Variants in SRGAP3 observed in about 807,000 individuals in gnomAD.
SRGAP3 encodes SLIT-ROBO Rho GTPase-activating protein 3.
Under a neutral mutation model 121.1 loss-of-function variants are expected in SRGAP3, and 39 were observed. That is an observed-to-expected ratio of 0.32 (90% confidence interval 0.25 to 0.42). The LOEUF (loss-of-function observed/expected upper bound fraction) is 0.42, where lower values mean the gene tolerates loss of function less well. Among genes scored for constraint, SRGAP3 ranks in the 10% least tolerant of loss-of-function variants. SRGAP3 has a pLI of 1.00. For synonymous variants in SRGAP3, 601 were observed against 570.0 expected (o/e 1.05, Z -0.77); for missense variants, 1,213 against 1,470.6 (o/e 0.82, Z 2.86).
intron 14 of SRGAP3, among the ~76,000 whole-genome samples, chr3:9,018,738 A>G (rs1943764828): frequency 6.6e-6 from 1 of 152,358 alleles, no homozygotes; most frequent in South Asian, 2.1e-4. Context: ...TATTTTAGGT[A>G]GTAATTTTTT....
chr3:9,059,836 C>G (rs992802411), intron 6 of SRGAP3: 1 of 310,346 alleles, frequency 3.2e-6, no homozygotes, highest in African/African-American at 2.2e-5. Context: ...GCCCTAGGGG[C>G]GCCAAACATT....
At chr3:9,014,202 G>T (rs1943520195) in intron 15 of SRGAP3, 2 of 356,840 alleles carry the variant, frequency 5.6e-6, no homozygotes, top group Non-Finnish European at 1.1e-5. Context: ...GAGCCGGACG[G>T]GGCATATATC....
Position 9,118,550 on chromosome 3 carries a change from C to T in SRGAP3, c.260+6175G>A, listed in dbSNP as rs114062586. 3.3e-3 allele frequency among the ~76,000 whole-genome samples: 507 copies of T among 152,234 alleles called. 2 individuals are homozygous for T. The highest frequency in any genetic ancestry group is 0.011 in the African/African-American group (457 of 41,534). On this transcript the variant is annotated intron_variant, in intron 2 of 21. Coordinates refer to ENST00000383836, the MANE Select transcript of SRGAP3 (RefSeq NM_014850.4). The stretch of plus-strand genomic sequence containing the variant: ...AGAGGGCAGTGGATTATGGATTTGA[C>T]GCTGGTGAAGAGGAGGGAAGGCCAG...
chr3:9,276,815 C>T (rs1005252726), intron 3 of SRGAP3, among the ~76,000 whole-genome samples: 13 of 152,240 alleles, frequency 8.5e-5, no homozygotes, highest in African/African-American at 2.9e-4. Context: ...ACTAGTTCCA[C>T]TGCTTCAATT....
At chr3:9,063,586 G>A (rs1411520538) in intron 5 of SRGAP3, among the ~76,000 whole-genome samples, 4 of 151,260 alleles carry the variant, frequency 2.6e-5, no homozygotes, top group African/African-American at 4.9e-5. Context: ...CGATCCTCCC[G>A]CCTTGGCCTC....
intron 1 of SRGAP3, among the ~76,000 whole-genome samples, chr3:9,146,417 C>T (rs751393561): frequency 3.9e-5 from 6 of 152,102 alleles, no homozygotes; most frequent in Admixed American, 1.3e-4. Flanking sequence ...TAGCCCCAAG[C>T]GAAACCAGAG....
intron 1 of SRGAP3, among the ~76,000 whole-genome samples, chr3:9,208,232 A>G (rs1305162650): frequency 2.0e-5 from 3 of 151,624 alleles, no homozygotes; most frequent in African/African-American, 7.3e-5. Context: ...TAGGCCTTCC[A>G]TATCTCCAGT....
At chr3:9,155,547 C>A (rs2675181) in intron 1 of SRGAP3, among the ~76,000 whole-genome samples, 4 of 151,848 alleles carry the variant, frequency 2.6e-5, no homozygotes, top group Non-Finnish European at 4.4e-5. Context: ...TTTCCATCTA[C>A]TTCCTGTGTC....
In SRGAP3 at chr3:9,013,830, G is replaced by A; in HGVS notation, c.1826C>T (p.Pro609Leu). 4 of 1,614,178 alleles carry A rather than the reference G, an allele frequency of 2.5e-6. No homozygotes were observed. Among genetic ancestry groups the A allele is most frequent in the Non-Finnish European group, 3.4e-6 (4 of 1,180,018 alleles). Residue 609 changes from proline to leucine, a missense_variant, in exon 16 of 22, where the codon CCA becomes CTA. Around this residue, in one of 2 missense-constraint regions of SRGAP3, gnomAD observed 793 missense variants for 1,032.9 expected, o/e 0.77. Coordinates refer to ENST00000383836, the MANE Select transcript of SRGAP3 (RefSeq NM_014850.4). Reference protein sequence around the residue: ...DLISTIKLENPAERVHQIQQI... With the variant: ...DLISTIKLENLAERVHQIQQI... ...TTGGATCTGGTGCACCCTCTCGGCT[G>A]GGTTCTCCAGTTCTGTAACATAAAG... is the stretch of plus-strand genomic sequence containing the variant.
intron 3 of SRGAP3, among the ~76,000 whole-genome samples, chr3:9,298,858 C>G (rs1301387015): frequency 6.6e-6 from 1 of 151,796 alleles, no homozygotes; most frequent in Non-Finnish European, 1.5e-5. Context: ...TTGAGACCAG[C>G]CTGGCCAACA....
intron 1 of SRGAP3, chr3:9,348,318 C>T (rs776092475): frequency 1.3e-5 from 5 of 390,936 alleles, no homozygotes; most frequent in Non-Finnish European, 2.4e-5. Context: ...AAGAAAGAGA[C>T]AAAGAGTGAA....
chr3:9,056,096 G>C, intron 8 of SRGAP3, 137 bp downstream of exon 8: 1 of 751,694 alleles, frequency 1.3e-6, no homozygotes, highest in Admixed American at 2.0e-5. Context: ...TGGTGTGTGT[G>C]GTTTTAATGA....
intron 1 of SRGAP3, among the ~76,000 whole-genome samples, chr3:9,134,005 T>C (rs958228924): frequency 6.6e-6 from 1 of 152,150 alleles, no homozygotes; most frequent in Non-Finnish European, 1.5e-5. Context: ...AAATTTTTCA[T>C]CATAAAAAAG....
chr3:9,158,625 CAA>C (rs1950504562), intron 1 of SRGAP3, among the ~76,000 whole-genome samples: 1 of 152,310 alleles, frequency 6.6e-6, no homozygotes, highest in East Asian at 1.9e-4. Flanking sequence ...AGCTGGGGCT[CAA>C]ATCACTCACT....
intron 1 of SRGAP3, 36 bp from the exon 2 acceptor site, chr3:9,124,953 G>T (rs774494084): frequency 8.1e-6 from 13 of 1,612,298 alleles, no homozygotes; most frequent in Middle Eastern, 1.9e-4. Flanking sequence ...TGAGACTGGT[G>T]GTGGGGACGG....
intron 3 of SRGAP3, among the ~76,000 whole-genome samples, chr3:9,292,214 G>A (rs142382751): frequency 2.6e-5 from 4 of 152,314 alleles, no homozygotes; most frequent in East Asian, 3.9e-4. Context: ...CAGAGGGCCC[G>A]TTAGAACACA....
chr3:9,212,156 T>C (rs1432758668), intron 1 of SRGAP3, among the ~76,000 whole-genome samples: 1 of 152,224 alleles, frequency 6.6e-6, no homozygotes, highest in Non-Finnish European at 1.5e-5. Context: ...CCTTTTCCAA[T>C]GGAAACCTCA....
intron 3 of SRGAP3, among the ~76,000 whole-genome samples, chr3:9,090,129 C>T (rs1280162399): frequency 6.6e-6 from 1 of 152,150 alleles, no homozygotes; most frequent in African/African-American, 2.4e-5. Context: ...CTGTAGATAC[C>T]GAAATGACCA....
chr3:9,296,358 G>A lies in SRGAP3; in HGVS notation n.442+29652C>T, dbSNP rs1168199049. The stretch of plus-strand genomic sequence containing the variant: ...TAATGGATGTTGGTGGTGTCTCACT[G>A]TGTCTTCAGTTTGCATTTCCCTAGG... On this transcript the variant is annotated intron_variant and non_coding_transcript_variant, in intron 3 of 3. Transcript: ENST00000490889. 2.0e-5 allele frequency among the ~76,000 whole-genome samples: 3 copies of A among 152,254 alleles called. No individual in the cohort carries two copies. In the East Asian group the frequency reaches 5.8e-4, roughly 29 times the overall value.
Sources: allele counts gnomAD v4.1 joint callset (sites outside exome capture counted in the v4.1 genomes callset), GRCh38; gene constraint gnomAD v4.1.1; regional missense constraint gnomAD v4.1.1; transcripts MANE v1.5; gene names NCBI Gene and HGNC (gene_info 2026-07-23, HGNC 2026-07-21).